The following SMAP1 variants were observed in gnomAD, a reference collection of about 807,000 sequenced individuals.
SMAP1 encodes the protein stromal membrane-associated protein 1.
In SMAP1, 24 loss-of-function variants were observed where a neutral mutation model predicts 58.5. That is an observed-to-expected ratio of 0.41 (90% confidence interval 0.30 to 0.58). The LOEUF is 0.58. SMAP1 is among the 20% of genes least tolerant of loss of function. The pLI is 0.29. For missense variants in SMAP1, 563 were observed against 566.3 expected (o/e 0.99, Z 0.06); for synonymous variants, 216 against 196.6 (o/e 1.10, Z -0.82).
chr6:70,839,004 G>C (rs1445864940), intron 7 of SMAP1, among the ~76,000 whole-genome samples: 1 of 152,092 alleles, frequency 6.6e-6, no homozygotes, highest in African/African-American at 2.4e-5. Context: ...AGGAAAAATT[G>C]CTCTAGCAGT....
chr6:70,846,172 C>G (rs1431074908), intron 7 of SMAP1, among the ~76,000 whole-genome samples: 1 of 152,144 alleles, frequency 6.6e-6, no homozygotes, highest in Non-Finnish European at 1.5e-5. Context: ...ATTGCTTGTA[C>G]TTTTCAAAAA....
At chr6:70,802,140 T>C (rs1768887726) in intron 6 of SMAP1, among the ~76,000 whole-genome samples, 1 of 152,204 alleles carries the variant, frequency 6.6e-6, no homozygotes, top group South Asian at 2.1e-4. Flanking sequence ...ATTCTTCGTA[T>C]CTATGAGCAT....
At chr6:70,732,571 A>G (rs1231795612) in intron 2 of SMAP1, 60 bp downstream of exon 2, 1 of 1,365,420 alleles carries the variant, frequency 7.3e-7, no homozygotes, top group Admixed American at 2.8e-5. Flanking sequence ...AAAATATTTA[A>G]CCCTTCTTGC....
At chr6:70,792,941 C>G (rs1768431018) in intron 5 of SMAP1, among the ~76,000 whole-genome samples, 1 of 152,066 alleles carries the variant, frequency 6.6e-6, no homozygotes, top group Non-Finnish European at 1.5e-5. Flanking sequence ...AAGACTTAAC[C>G]TATTACTCTA....
intron 7 of SMAP1, among the ~76,000 whole-genome samples, chr6:70,844,257 C>A (rs1323745308): frequency 6.6e-6 from 1 of 152,140 alleles, no homozygotes; most frequent in Non-Finnish European, 1.5e-5. Flanking sequence ...TTTAAACAAT[C>A]AGTTCTACAA....
chr6:70,729,452 AAG>A (rs1249828167), intron 1 of SMAP1, among the ~76,000 whole-genome samples: 4 of 76,342 alleles, frequency 5.2e-5, no homozygotes, highest in South Asian at 4.9e-4. Flanking sequence ...AAAAAAAAAA[AAG>A]AAGGTTGTGT....
At chr6:70,782,727 G>A (rs1767813846) in intron 4 of SMAP1, among the ~76,000 whole-genome samples, 1 of 152,136 alleles carries the variant, frequency 6.6e-6, no homozygotes, top group African/African-American at 2.4e-5. Context: ...GGATGTTTCT[G>A]TTTGCTCTGT....
chr6:70,793,644 TAGAGAGAG>T (rs70990334), intron 5 of SMAP1, among the ~76,000 whole-genome samples: 12 of 140,430 alleles, frequency 8.5e-5, no homozygotes, highest in African/African-American at 1.6e-4. Flanking sequence ...GGAGAGTAGT[TAGAGAGAG>T]AGAGAGAGAG....
At chr6:70,833,227 AATTTCTT>A (rs542665587) in intron 6 of SMAP1, among the ~76,000 whole-genome samples, 2 of 152,192 alleles carry the variant, frequency 1.3e-5, no homozygotes, top group African/African-American at 2.4e-5. Flanking sequence ...TAGTGAGGTT[AATTTCTT>A]ATGTTTACAA....
Position 70,824,207 on chromosome 6 carries a change from A to T in SMAP1, c.577-12734A>T, listed in dbSNP as rs565124111. 9.2e-5 allele frequency among the ~76,000 whole-genome samples: 14 copies of T among 152,314 alleles called. No homozygotes were observed. In the East Asian group the frequency reaches 2.7e-3, roughly 29 times the overall value. On this transcript the variant is annotated intron_variant, in intron 6 of 10. Coordinates refer to ENST00000370455, the MANE Select transcript of SMAP1 (RefSeq NM_001044305.3). ...GTTCGTTCAGCTTTTTACTCGTTAA[A>T]ACAGGATGGTGACTTGCAAGCTCCC...
intron 2 of SMAP1, among the ~76,000 whole-genome samples, chr6:70,738,096 G>C (rs1211837058): frequency 6.6e-6 from 1 of 152,168 alleles, no homozygotes; most frequent in African/African-American, 2.4e-5. Context: ...CAACCACCTG[G>C]AATCGTGTGG....
chr6:70,705,044 A>G (rs796801921), intron 1 of SMAP1, among the ~76,000 whole-genome samples: 9 of 152,262 alleles, frequency 5.9e-5, no homozygotes, highest in Admixed American at 2.0e-4. Flanking sequence ...GAGGATACCC[A>G]GTAACTAGAA....
At chr6:70,786,334 A>G (rs1010239906) in intron 4 of SMAP1, among the ~76,000 whole-genome samples, 2 of 145,564 alleles carry the variant, frequency 1.4e-5, no homozygotes, top group African/African-American at 5.2e-5. Flanking sequence ...TGACAAACCC[A>G]CAGCCAATAT....
chr6:70,779,405 G>A (rs1012691798), intron 4 of SMAP1, among the ~76,000 whole-genome samples: 1 of 152,184 alleles, frequency 6.6e-6, no homozygotes, highest in Admixed American at 6.5e-5. Context: ...TGGTCCCAGT[G>A]GGTGGGTGAG....
chr6:70,808,901 C>CGTGTGT (rs1562176834), intron 6 of SMAP1, among the ~76,000 whole-genome samples: 23 of 71,562 alleles, frequency 3.2e-4, no homozygotes, highest in African/African-American at 8.2e-4. Context: ...AGGCTGTTTC[C>CGTGTGT]CTGTGTGTGT....
At chr6:70,696,404 A>G (rs994719861) in intron 1 of SMAP1, among the ~76,000 whole-genome samples, 1 of 151,720 alleles carries the variant, frequency 6.6e-6, no homozygotes, top group African/African-American at 2.4e-5. Flanking sequence ...TCCTCTTAGT[A>G]CTGCTTTTGT....
intron 1 of SMAP1, 31 bp from the exon 2 acceptor site, chr6:70,732,346 GC>G (rs1193866608): frequency 6.3e-7 from 1 of 1,585,342 alleles, no homozygotes; most frequent in Admixed American, 1.8e-5. Flanking sequence ...TTTAACATTT[GC>G]TTTTTTTTGT....
At chr6:70,732,356 G>C in intron 1 of SMAP1, 22 bp from the exon 2 acceptor site, 2 of 1,582,526 alleles carry the variant, frequency 1.3e-6, no homozygotes, top group Non-Finnish European at 1.7e-6. Flanking sequence ...GCTTTTTTTT[G>C]TGGTTTCTTC....
chr6:70,719,034 G>C (rs927853738), intron 1 of SMAP1, among the ~76,000 whole-genome samples: 8 of 152,046 alleles, frequency 5.3e-5, no homozygotes, highest in Non-Finnish European at 1.2e-4. Context: ...CAGTGGAATT[G>C]CATGACTAAA....
Sources: allele counts gnomAD v4.1 joint callset (sites outside exome capture counted in the v4.1 genomes callset), GRCh38; gene constraint gnomAD v4.1.1; transcripts MANE v1.5; gene names NCBI Gene and HGNC (gene_info 2026-07-23, HGNC 2026-07-21).